PCGF3: variants seen among roughly 807,000 people sequenced by gnomAD.
PCGF3 encodes the protein polycomb group ring finger 3.
In PCGF3, 7 loss-of-function variants were observed where a neutral mutation model predicts 33.1. The ratio of observed to expected loss-of-function variants is 0.21; its 90% CI spans 0.12 to 0.40. PCGF3 has a LOEUF of 0.40. Among genes scored for constraint, PCGF3 ranks in the 10% least tolerant of loss-of-function variants. The pLI, the probability that PCGF3 is intolerant of heterozygous loss-of-function variation, is 1.00. For missense variants in PCGF3, 211 were observed against 313.3 expected, an observed-to-expected ratio of 0.67 and a Z score of 2.46; for synonymous variants, 153 against 121.3, an observed-to-expected ratio of 1.26 and a Z score of -1.72.
intron 4 of PCGF3, 91 bp from the exon 5 acceptor site, chr4:734,840 C>T: frequency 6.6e-7 from 1 of 1,514,436 alleles, no homozygotes; most frequent in Non-Finnish European, 8.9e-7. Flanking sequence ...CAGAAACGAG[C>T]TCAGAGACGC....
At chr4:712,759 A>G (rs2109516064) in intron 1 of PCGF3, among the ~76,000 whole-genome samples, 1 of 152,316 alleles carries the variant, frequency 6.6e-6, no homozygotes, top group Admixed American at 6.5e-5. Flanking sequence ...AAACTCTAAT[A>G]TTTAGGTGCA....
chr4:730,435 G>A (rs545190776), intron 1 of PCGF3, among the ~76,000 whole-genome samples, 195 bp from the exon 2 acceptor site: 1 of 152,290 alleles, frequency 6.6e-6, no homozygotes, highest in Non-Finnish European at 1.5e-5. Context: ...CCTGGGCTCA[G>A]AGACGCCCGA....
chr4:738,153 C>T (rs1743916711), intron 6 of PCGF3, among the ~76,000 whole-genome samples: 1 of 152,348 alleles, frequency 6.6e-6, no homozygotes, highest in South Asian at 2.1e-4. Context: ...CTCATCAGAC[C>T]TTTCAAAGGC....
chr4:765,208 C>G, intron 10 of PCGF3, 144 bp downstream of exon 10: 1 of 592,898 alleles, frequency 1.7e-6, no homozygotes, highest in South Asian at 1.9e-5. Context: ...ACGAGGCGGG[C>G]GGATCACGAG....
Position 749,476 on chromosome 4 carries a change from C to CTTTTTTTTTTTTTTTTTTTTTT in PCGF3, c.462+4791_462+4812dup, listed in dbSNP as rs71640348. Among the ~76,000 whole-genome samples the CTTTTTTTTTTTTTTTTTTTTTT allele has an allele frequency of 1.7e-4, 13 of 75,484 alleles. 1 individual carries two copies. Among genetic ancestry groups the CTTTTTTTTTTTTTTTTTTTTTT allele is most frequent in the East Asian group, 4.2e-4 (1 of 2,394 alleles). 49.5% of individuals were successfully genotyped at this position (75,484 alleles called of 152,430 possible). A position where few individuals can be genotyped will look rare whatever the true frequency, so the allele number is the denominator to read the frequency against. On this transcript the variant is annotated intron_variant, in intron 8 of 10. Transcript: ENST00000362003. ...ACCATGCCCTGCTGAATTTTCTTTC[C>CTTTTTTTTTTTTTTTTTTTTTT]TTTTTTTTTTTTTTTTTTTTTTTTG...
intron 8 of PCGF3, among the ~76,000 whole-genome samples, chr4:758,401 A>G (rs1744875788): frequency 7.5e-6 from 1 of 133,972 alleles, no homozygotes; most frequent in South Asian, 2.4e-4. Flanking sequence ...CTCCTTCCGG[A>G]CTCCGGGTCT....
exon 11 of PCGF3, chr4:769,199 A>G (rs1577456448): frequency 6.5e-6 from 1 of 152,714 alleles, no homozygotes; most frequent in African/African-American, 2.4e-5. Context: ...TCAGACCACA[A>G]GAGCGGAGCT....
At chr4:734,593 C>G in intron 4 of PCGF3, 1 of 1,169,260 alleles carries the variant, frequency 8.6e-7, no homozygotes. Context: ...TCTTTTAGGA[C>G]AAAGTATTGT....
At chr4:725,956 T>C (rs1743316607) in intron 1 of PCGF3, among the ~76,000 whole-genome samples, 1 of 152,168 alleles carries the variant, frequency 6.6e-6, no homozygotes, top group South Asian at 2.1e-4. Context: ...TCTCTGTGTC[T>C]CCGATTAACC....
chr4:765,125 CTCT>C (rs1553849141), intron 10 of PCGF3, 61 bp downstream of exon 10: 1 of 1,178,078 alleles, frequency 8.5e-7, no homozygotes, highest in Non-Finnish European at 1.3e-6. Context: ...TGCTGTGCAT[CTCT>C]TATCTAAAAT....
intron 8 of PCGF3, among the ~76,000 whole-genome samples, chr4:760,481 C>T (rs1450055832): frequency 1.6e-4 from 24 of 152,150 alleles, no homozygotes; most frequent in Admixed American, 1.4e-3. Flanking sequence ...GAAATTGTAT[C>T]TGATTACCTT....
chr4:760,293 T>G (rs1744977451), intron 8 of PCGF3, among the ~76,000 whole-genome samples: 1 of 152,208 alleles, frequency 6.6e-6, no homozygotes, highest in Non-Finnish European at 1.5e-5. Context: ...GCTCCCGTCT[T>G]CTCCCCTTTC....
intron 4 of PCGF3, 30 bp downstream of exon 4, chr4:733,819 G>T: frequency 6.2e-7 from 1 of 1,613,672 alleles, no homozygotes; most frequent in Non-Finnish European, 8.5e-7. Context: ...CACCCAGGGA[G>T]GGCGCGCCCT....
At chr4:766,234 A>G in exon 11 of PCGF3, 1 of 618,964 alleles carries the variant, frequency 1.6e-6, no homozygotes, top group Non-Finnish European at 2.9e-6. Context: ...ACACTCAACA[A>G]GACACTACCA....
intron 3 of PCGF3, among the ~76,000 whole-genome samples, chr4:732,675 T>C (rs1438473275): frequency 3.9e-5 from 6 of 152,052 alleles, no homozygotes; most frequent in African/African-American, 1.4e-4. Flanking sequence ...AGGCTGGGCC[T>C]CTTGGTGGCG....
intron 4 of PCGF3, 54 bp downstream of exon 4, chr4:733,843 C>T (rs775056448): frequency 1.2e-6 from 2 of 1,613,124 alleles, no homozygotes; most frequent in Non-Finnish European, 1.7e-6. Flanking sequence ...CAGCTCTGTG[C>T]TCTTCAGAAC....
chr4:734,520 G>T, intron 4 of PCGF3: 3 of 1,196,818 alleles, frequency 2.5e-6, no homozygotes, highest in South Asian at 3.1e-5. Context: ...ATATTGGTTA[G>T]CATATTTTAT....
At chr4:716,755 C>G (rs1742867322) in intron 1 of PCGF3, among the ~76,000 whole-genome samples, 1 of 125,366 alleles carries the variant, frequency 8.0e-6, no homozygotes, top group Admixed American at 8.5e-5. Flanking sequence ...GTGCTGGGAC[C>G]CTGTAGATAC....
intron 8 of PCGF3, among the ~76,000 whole-genome samples, chr4:758,589 C>T (rs1369824360): frequency 7.3e-6 from 1 of 137,060 alleles, no homozygotes; most frequent in African/African-American, 2.8e-5. Context: ...GCCCCTCCCC[C>T]GAGTTCTTCT....
Sources: allele counts gnomAD v4.1 joint callset (sites outside exome capture counted in the v4.1 genomes callset), GRCh38; gene constraint gnomAD v4.1.1; transcripts MANE v1.5; gene names NCBI Gene and HGNC (gene_info 2026-07-23, HGNC 2026-07-21).